OIT3: variants seen among roughly 807,000 people sequenced by gnomAD.
The protein encoded by OIT3 is oncoprotein-induced transcript 3 protein.
Under a neutral mutation model 52.2 loss-of-function variants are expected in OIT3, and 41 were observed. The ratio of observed to expected loss-of-function variants is 0.79; its 90% CI spans 0.61 to 1.02. The LOEUF (loss-of-function observed/expected upper bound fraction) is 1.02, where lower values mean the gene tolerates loss of function less well. OIT3 is among the 50% of genes least tolerant of loss of function. OIT3 has a pLI of 0.00. For missense variants in OIT3, 634 were observed against 715.5 expected (o/e 0.89, Z 1.30); for synonymous variants, 244 against 276.9 (o/e 0.88, Z 1.18).
intron 8 of OIT3, among the ~76,000 whole-genome samples, chr10:72,930,965 A>T (rs1432234161): frequency 6.6e-6 from 1 of 152,204 alleles, no homozygotes; most frequent in East Asian, 1.9e-4. Flanking sequence ...GTCAAATGGC[A>T]AGGGATATGG....
At chr10:72,899,716 GA>G (rs2132924514) in intron 2 of OIT3, among the ~76,000 whole-genome samples, 1 of 126,778 alleles carries the variant, frequency 7.9e-6, no homozygotes, top group Non-Finnish European at 1.7e-5. Flanking sequence ...TAGATAGATA[GA>G]TAGATAGATA....
rs1257164650 is a variant in OIT3, at chr10:72,932,792, A to ATTTC, written c.*273_*276dup. 1.1e-5 allele frequency: 4 copies of ATTTC among 365,406 alleles called. No individual in the cohort carries two copies. The highest frequency in any genetic ancestry group is 8.4e-5 in the African/African-American group (4 of 47,792). The allele number at this position is 365,406 out of a possible 1,614,324, so 22.6% of individuals were successfully genotyped here. A position where few individuals can be genotyped will look rare whatever the true frequency, so the allele number is the denominator to read the frequency against. ...GAAAGACACTCACCCCATTTCCCTCATTTCTTTCCTACACTTAAATACCTC... is the reference window on the plus strand; with the variant it reads ...GAAAGACACTCACCCCATTTCCCTCATTTCTTTCTTTCCTACACTTAAATACCTC... On this transcript the variant is annotated 3_prime_UTR_variant, in exon 9 of 9. Transcript: ENST00000334011.
In OIT3 at chr10:72,930,636, A is replaced by G; in HGVS notation, c.1466A>G (p.Lys489Arg). The change falls in exon 8 of 9, where the codon AAG becomes AGG. Residue 489 changes from lysine to arginine, a missense_variant and splice_region_variant. Coordinates refer to ENST00000334011, the MANE Select transcript of OIT3 (RefSeq NM_152635.3). ...PVFKFVGKDH[K>R]EVFLHCRVLV... ...TTCAAGTTTGTGGGCAAAGACCACA[A>G]GGTGAGTTGAACATCTTTAATTTAT... is the stretch of plus-strand genomic sequence containing the variant. 1 of 1,588,052 alleles carries G rather than the reference A, an allele frequency of 6.3e-7. No homozygotes were observed. The highest frequency in any genetic ancestry group is 1.1e-5 in the South Asian group (1 of 90,220).
intron 4 of OIT3, 34 bp downstream of exon 4, chr10:72,906,752 G>A (rs921298395): frequency 1.3e-6 from 2 of 1,521,274 alleles, no homozygotes; most frequent in African/African-American, 1.4e-5. Flanking sequence ...CAAATCAAGA[G>A]CCCAGAGGAA....
At chr10:72,922,699 G>T (rs1395850606) in intron 6 of OIT3, among the ~76,000 whole-genome samples, 1 of 152,088 alleles carries the variant, frequency 6.6e-6, no homozygotes, top group African/African-American at 2.4e-5. Context: ...AGCCATGTCA[G>T]CTGCAGCCCC....
chr10:72,924,676 C>T (rs1846153866), intron 7 of OIT3, 32 bp downstream of exon 7: 1 of 1,534,452 alleles, frequency 6.5e-7, no homozygotes, highest in Non-Finnish European at 8.8e-7. Flanking sequence ...TCTCATCACC[C>T]CTAGTTCACA....
At chr10:72,923,089 C>CTGGTCTCTAACCCCTGACTTCAGG (rs1480919911) in intron 6 of OIT3, among the ~76,000 whole-genome samples, 2 of 152,124 alleles carry the variant, frequency 1.3e-5, no homozygotes, top group African/African-American at 4.8e-5. Context: ...ATGTTGGCCA[C>CTGGTCTCTAACCCCTGACTTCAGG]TGGTCTCTAA....
At chr10:72,920,315 C>T (rs1365255732) in intron 6 of OIT3, among the ~76,000 whole-genome samples, 1 of 152,088 alleles carries the variant, frequency 6.6e-6, no homozygotes, top group Admixed American at 6.6e-5. Flanking sequence ...TTTGATTCTT[C>T]TCTCTTTTCT....
rs139716902 is a variant in OIT3, at chr10:72,895,638, C to A, written c.61+1779C>A. ...ACAGGGTCGAAAAGGGGCTGTGATT[C>A]AGGGGCGGCTGTCTGCCGGATAGGA... On this transcript the variant is annotated intron_variant, in intron 1 of 8. Coordinates refer to ENST00000334011, the MANE Select transcript of OIT3 (RefSeq NM_152635.3). Among the ~76,000 whole-genome samples the A allele has an allele frequency of 2.0e-5, 3 of 152,282 alleles. No homozygotes were observed. The East Asian group carries it at 5.8e-4, about 29-fold the overall frequency.
At chr10:72,897,580 G>A (rs1026471645) in intron 1 of OIT3, among the ~76,000 whole-genome samples, 65 of 152,156 alleles carry the variant, frequency 4.3e-4, no homozygotes, top group Non-Finnish European at 5.0e-4. Flanking sequence ...CAAAGTAGGT[G>A]ACATGTGCCC....
At chr10:72,907,053 G>A (rs146064733) in intron 4 of OIT3, among the ~76,000 whole-genome samples, 1,702 of 152,208 alleles carry the variant, frequency 0.011, 27 homozygotes, top group African/African-American at 0.036. Flanking sequence ...GATCACTTGA[G>A]GCCAGGAGTT....
intron 7 of OIT3, among the ~76,000 whole-genome samples, chr10:72,928,004 A>G (rs1846184126): frequency 6.6e-6 from 1 of 152,166 alleles, no homozygotes; most frequent in Non-Finnish European, 1.5e-5. Flanking sequence ...CTTTATAATA[A>G]TCATAATTTG....
intron 6 of OIT3, among the ~76,000 whole-genome samples, chr10:72,919,334 T>A (rs1836605692): frequency 6.6e-6 from 1 of 152,242 alleles, no homozygotes; most frequent in African/African-American, 2.4e-5. Context: ...TTTATCAGCT[T>A]AAGAAGCTTT....
At chr10:72,924,908 CGA>C (rs1288230999) in intron 7 of OIT3, among the ~76,000 whole-genome samples, 1 of 152,048 alleles carries the variant, frequency 6.6e-6, no homozygotes, top group African/African-American at 2.4e-5. Context: ...GTCAGGAGTT[CGA>C]GACCAGCCTG....
chr10:72,898,315 A>G (rs1252844046), intron 1 of OIT3, among the ~76,000 whole-genome samples: 1 of 152,128 alleles, frequency 6.6e-6, no homozygotes, highest in Admixed American at 6.5e-5. Flanking sequence ...GTCTCCATGT[A>G]TGAACAAAAT....
chr10:72,911,550 TATG>T (rs1846028061), intron 4 of OIT3, among the ~76,000 whole-genome samples, 164 bp from the exon 5 acceptor site: 1 of 152,198 alleles, frequency 6.6e-6, no homozygotes. Context: ...TCTTTGTAGC[TATG>T]ATATTTCATA....
intron 6 of OIT3, among the ~76,000 whole-genome samples, chr10:72,921,136 G>A (rs1446230657): frequency 6.6e-6 from 1 of 152,200 alleles, no homozygotes; most frequent in Non-Finnish European, 1.5e-5. Flanking sequence ...ACGATAGTTA[G>A]CTCTTCTTGT....
rs755514737 is a variant in OIT3 at position 72,893,784 on chromosome 10, A to G, written c.-15A>G. 2.1e-5 allele frequency: 34 copies of G among 1,601,262 alleles called. No homozygotes were observed. The South Asian group carries it at 3.7e-4, about 18-fold the overall frequency. ...AAGAGGATTTTCCAGTGTTTCTGGC[A>G]GTTGGTCCAGAAGGATGCCTCCATT... On this transcript the variant is annotated 5_prime_UTR_variant, in exon 1 of 9. Transcript: ENST00000334011.
At chr10:72,905,168 C>T (rs1019611092) in intron 3 of OIT3, among the ~76,000 whole-genome samples, 1 of 152,080 alleles carries the variant, frequency 6.6e-6, no homozygotes, top group Non-Finnish European at 1.5e-5. Flanking sequence ...CCTCCAACAT[C>T]GAGATCAAAT....
Sources: gnomAD v4.1 joint callset for allele counts (sites outside exome capture counted in the v4.1 genomes callset) on GRCh38, gnomAD v4.1.1 for gene constraint, MANE v1.5 for transcripts, NCBI Gene and HGNC (gene_info 2026-07-23, HGNC 2026-07-21) for gene names.